MICAL3: variants seen among roughly 807,000 people sequenced by gnomAD.
MICAL3 encodes [F-actin]-monooxygenase MICAL3.
A neutral mutation model predicts 207.4 loss-of-function variants in MICAL3; 62 were observed. The observed-to-expected ratio is 0.30, with a 90% confidence interval of 0.24 to 0.37. The LOEUF is 0.37. Ranked by LOEUF, MICAL3 falls within the 10% of genes least tolerant of loss-of-function variation. The probability of loss-of-function intolerance (pLI) is 1.00; values close to 1 mark genes in which losing one functional copy is unlikely to be tolerated. For missense variants in MICAL3, 2,368 were observed against 2,635.6 expected (o/e 0.90, Z 2.22); for synonymous variants, 1,077 against 1,069.3 (o/e 1.01, Z -0.14).
rs1179392320 is a variant in MICAL3, at chr22:17,793,065, C to T, written c.5651-1764G>A. Among the ~76,000 whole-genome samples the T allele has an allele frequency of 1.1e-4, 17 of 152,198 alleles. No individual in the cohort carries two copies. The highest frequency in any genetic ancestry group is 1.0e-3 in the Admixed American group (16 of 15,292). On this transcript the variant is annotated intron_variant, in intron 29 of 31. Coordinates refer to ENST00000441493, the MANE Select transcript of MICAL3 (RefSeq NM_015241.3). The surrounding 1 kb of genome is among the most constrained non-coding windows in gnomAD (Gnocchi z 4.1). ...TACAGAAAATGCCACCGGAGACGTG[C>T]GGACAGCGCTCACTAGCTATGGAGA...
At position 18,006,821 on chromosome 22, in the gene MICAL3, G is replaced by A. The variant is rs143416610; in HGVS notation, c.-75+17460C>T. On this transcript the variant is annotated intron_variant, in intron 1 of 31. Coordinates refer to ENST00000441493, the MANE Select transcript of MICAL3 (RefSeq NM_015241.3). ...GCACTCCAGCGTGGGCAACAAGAGC[G>A]AAACTCTGTCACACACACACACACA... 8.3e-3 allele frequency among the ~76,000 whole-genome samples: 1,265 copies of A among 152,282 alleles called. 10 individuals carry two copies. The highest frequency in any genetic ancestry group is 0.042 in the East Asian group (219 of 5,188).
At chr22:17,853,626 T>C (rs1925572084) in intron 19 of MICAL3, among the ~76,000 whole-genome samples, 1 of 152,258 alleles carries the variant, frequency 6.6e-6, no homozygotes, top group African/African-American at 2.4e-5. Context: ...AGCATTTTTC[T>C]TCATTTAAAA....
intron 1 of MICAL3, among the ~76,000 whole-genome samples, chr22:17,966,097 C>T (rs766686255): frequency 6.6e-6 from 1 of 152,222 alleles, no homozygotes; most frequent in Non-Finnish European, 1.5e-5. Context: ...CCATCTGCTG[C>T]CAGCTTCATC....
chr22:17,938,418 T>G (rs1198095446), intron 1 of MICAL3, among the ~76,000 whole-genome samples: 2 of 152,202 alleles, frequency 1.3e-5, no homozygotes, highest in Non-Finnish European at 2.9e-5. Flanking sequence ...GGTTCAGCCA[T>G]GAACACAGCT....
At chr22:17,912,256 A>G (rs925908641) in intron 1 of MICAL3, among the ~76,000 whole-genome samples, 1 of 152,120 alleles carries the variant, frequency 6.6e-6, no homozygotes, top group African/African-American at 2.4e-5. Context: ...GTAAGTTTTG[A>G]AATCAGGAGG....
At chr22:17,821,585 CCA>C in intron 24 of MICAL3, 76 bp from the exon 25 acceptor site, 2 of 1,248,758 alleles carry the variant, frequency 1.6e-6, no homozygotes, top group Admixed American at 5.2e-5. Flanking sequence ...TCAGCCAGCC[CCA>C]GAGGGTGGAG....
chr22:17,834,290 T>A (rs1309500544), intron 20 of MICAL3: 9 of 1,119,392 alleles, frequency 8.0e-6, no homozygotes, highest in Non-Finnish European at 9.9e-6. Context: ...GACAAAAGAA[T>A]ATACTGCAAG....
At chr22:17,800,830 A>G (rs907920438) in intron 29 of MICAL3, among the ~76,000 whole-genome samples, 5 of 152,202 alleles carry the variant, frequency 3.3e-5, no homozygotes, top group African/African-American at 1.2e-4. Flanking sequence ...TTTCCCTCCA[A>G]TTAACGAATA....
chr22:17,852,746 A>T (rs1338234307), intron 19 of MICAL3, among the ~76,000 whole-genome samples: 2 of 152,166 alleles, frequency 1.3e-5, no homozygotes, highest in African/African-American at 4.8e-5. Flanking sequence ...GCTCCTACTC[A>T]CATTTCCGAC....
chr22:17,954,078 C>T (rs918063445), intron 1 of MICAL3, among the ~76,000 whole-genome samples: 5 of 151,050 alleles, frequency 3.3e-5, no homozygotes, highest in African/African-American at 7.3e-5. Flanking sequence ...AGATGTAATA[C>T]GGGAAACTAT....
chr22:17,903,711 T>C (rs141365371), intron 3 of MICAL3, among the ~76,000 whole-genome samples: 93 of 152,302 alleles, frequency 6.1e-4, no homozygotes, highest in African/African-American at 2.1e-3. Context: ...TTACAAACTA[T>C]AGCCAGCAGA....
At position 17,808,059 on chromosome 22, in the gene MICAL3, A is replaced by G. The variant is rs528653083; in HGVS notation, c.5650+785T>C. On this transcript the variant is annotated intron_variant, in intron 29 of 31. Transcript: ENST00000441493. ...TGGTCCTGCAGCTTCAAGGTCCTGA[A>G]CCAATAGGACTTCCTGGGCCGTGGG... 7.2e-5 allele frequency among the ~76,000 whole-genome samples: 11 copies of G among 152,340 alleles called. No homozygotes were observed. The East Asian group carries it at 1.9e-3, about 27-fold the overall frequency.
chr22:17,966,461 C>T (rs573207832), intron 1 of MICAL3, among the ~76,000 whole-genome samples: 1 of 152,220 alleles, frequency 6.6e-6, no homozygotes, highest in African/African-American at 2.4e-5. Context: ...ACAATTCAAT[C>T]CTTATTCATA....
intron 19 of MICAL3, among the ~76,000 whole-genome samples, chr22:17,848,022 C>T (rs1413054279): frequency 2.6e-5 from 4 of 152,268 alleles, no homozygotes; most frequent in South Asian, 2.1e-4. Flanking sequence ...TTCCCTGCCC[C>T]GATCTTCTTG....
At chr22:18,016,103 G>T (rs988014163) in intron 1 of MICAL3, among the ~76,000 whole-genome samples, 2 of 152,006 alleles carry the variant, frequency 1.3e-5, no homozygotes, top group African/African-American at 4.8e-5. Context: ...TTATCATGTT[G>T]CATTCCCCAC....
intron 19 of MICAL3, among the ~76,000 whole-genome samples, chr22:17,851,190 C>G (rs555362570): frequency 2.0e-5 from 3 of 152,140 alleles, no homozygotes; most frequent in Non-Finnish European, 4.4e-5. Flanking sequence ...ATACGTGGCT[C>G]GTGAACCGGG....
At chr22:17,859,558 C>CA (rs891075066) in intron 19 of MICAL3, among the ~76,000 whole-genome samples, 10 of 152,160 alleles carry the variant, frequency 6.6e-5, no homozygotes, top group African/African-American at 1.4e-4. Context: ...GGAGAAGGGC[C>CA]AAAAAGAATC....
intron 19 of MICAL3, among the ~76,000 whole-genome samples, chr22:17,844,167 G>C (rs980657171): frequency 7.2e-5 from 11 of 152,004 alleles, no homozygotes; most frequent in Non-Finnish European, 1.5e-4. Flanking sequence ...CCTTCAAGGA[G>C]GCAGAGAAGG....
rs554822270 is a variant in MICAL3, at chr22:17,823,022, A to G, written c.3232T>C (p.Ser1078Pro). The change falls in exon 23 of 32, where the codon TCA becomes CCA. Residue 1078 changes from serine (S) to proline (P), a missense_variant. By Grantham distance (74) the Ser-to-Pro change is moderately conservative. Transcript: ENST00000441493. ...DENDLEEDVD[S>P]EPAEIEGEAA... ...TCCCCTTCTATCTCGGCTGGTTCTG[A>G]GTCCACATCTTCCTCTAGGTCATTC... 6.8e-6 allele frequency: 11 copies of G among 1,613,722 alleles called. No homozygotes were observed. In the South Asian group the frequency reaches 1.1e-4, roughly 16 times the overall value.
Sources: gnomAD v4.1 joint callset for allele counts (sites outside exome capture counted in the v4.1 genomes callset) on GRCh38, gnomAD v4.1.1 for gene constraint, Gnocchi (gnomAD v3.1) non-coding constraint, MANE v1.5 for transcripts, NCBI Gene and HGNC (gene_info 2026-07-23, HGNC 2026-07-21) for gene names.